The following GPC5 variants were observed in gnomAD, a reference collection of about 807,000 sequenced individuals.
The protein encoded by GPC5 is glypican-5.
GPC5 carries 47 observed loss-of-function variants against 53.9 expected under a neutral mutation model. That is an observed-to-expected ratio of 0.87 (90% confidence interval 0.69 to 1.11). GPC5 has a LOEUF of 1.11. GPC5 is among the 50% of genes most tolerant of loss of function. GPC5 has a pLI of 0.00. For missense variants in GPC5, 748 were observed against 713.1 expected (o/e 1.05, Z -0.56); for synonymous variants, 286 against 263.3 (o/e 1.09, Z -0.84).
At position 92,143,070 on chromosome 13, in the gene GPC5, A is replaced by G. The variant is rs151308252; in HGVS notation, c.1402-1760A>G. Among the ~76,000 whole-genome samples, 229 of 152,256 alleles carry G rather than the reference A, an allele frequency of 1.5e-3. 2 individuals carry two copies. The highest frequency in any genetic ancestry group is 5.3e-3 in the African/African-American group (219 of 41,552). ...ATTAAATATTTGCAAAGTGCTTTGCATATGTTTTTCTCACAATATGAGCAA... is the reference window on the plus strand; with the variant it reads ...ATTAAATATTTGCAAAGTGCTTTGCGTATGTTTTTCTCACAATATGAGCAA... On this transcript the variant is annotated intron_variant, in intron 6 of 7. Transcript: ENST00000377067.
chr13:92,588,883 C>T lies in GPC5; in HGVS notation c.1562-277399C>T, dbSNP rs567899374. Among the ~76,000 whole-genome samples the T allele has an allele frequency of 1.1e-4, 17 of 152,208 alleles. No homozygotes were observed. The South Asian group carries it at 2.5e-3, about 22-fold the overall frequency. On this transcript the variant is annotated intron_variant, in intron 7 of 7. Coordinates refer to ENST00000377067, the MANE Select transcript of GPC5 (RefSeq NM_004466.6). ...TGTAAAGCAATTTTTGCTTGGATTT[C>T]TAATTTTATGTAGAAGTCATTTTAT...
intron 7 of GPC5, among the ~76,000 whole-genome samples, chr13:92,729,724 T>G (rs1888750324): frequency 6.6e-6 from 1 of 151,400 alleles, no homozygotes; most frequent in Admixed American, 6.6e-5. Context: ...CTTGAATTGC[T>G]TAAGTCACAA....
At chr13:91,764,714 G>A (rs963530757) in intron 5 of GPC5, among the ~76,000 whole-genome samples, 2 of 152,150 alleles carry the variant, frequency 1.3e-5, no homozygotes, top group Admixed American at 6.5e-5. Context: ...TTTCAGGTTC[G>A]TGTGCCAACC....
chr13:92,693,047 G>GCT (rs907075631), intron 7 of GPC5, among the ~76,000 whole-genome samples: 4 of 152,058 alleles, frequency 2.6e-5, no homozygotes, highest in East Asian at 1.9e-4. Flanking sequence ...GCAGTTCCTA[G>GCT]CTCTCTCTCT....
At chr13:91,410,347 T>C (rs1253331344) in intron 1 of GPC5, among the ~76,000 whole-genome samples, 4 of 140,252 alleles carry the variant, frequency 2.9e-5, no homozygotes, top group Admixed American at 7.1e-5. Context: ...TTCTTTTTTT[T>C]TTTTTTTTTT....
rs548136763 is a variant in GPC5 at position 92,056,471 on chromosome 13, G to C, written c.1402-88359G>C. Among the ~76,000 whole-genome samples the C allele has an allele frequency of 4.6e-5, 7 of 152,238 alleles. No homozygotes were observed. The South Asian group carries it at 1.4e-3, about 32-fold the overall frequency. On this transcript the variant is annotated intron_variant, in intron 6 of 7. Transcript: ENST00000377067. ...TTTGAATGTGAAAATCTTTGGGGGA[G>C]GGGGAGCATGACTCTGTTTACCACA...
At chr13:91,490,932 T>C (rs1045912043) in intron 2 of GPC5, among the ~76,000 whole-genome samples, 3 of 152,166 alleles carry the variant, frequency 2.0e-5, no homozygotes, top group Admixed American at 6.5e-5. Context: ...TCTTTTTTTT[T>C]CCACATTTGT....
chr13:92,563,485 A>G (rs1262621090), intron 7 of GPC5, among the ~76,000 whole-genome samples: 1 of 148,360 alleles, frequency 6.7e-6, no homozygotes, highest in East Asian at 1.9e-4. Context: ...AAAAGGACTC[A>G]ATTAATGCAT....
At chr13:92,187,591 C>T (rs1449977572) in intron 7 of GPC5, among the ~76,000 whole-genome samples, 1 of 152,148 alleles carries the variant, frequency 6.6e-6, no homozygotes, top group South Asian at 2.1e-4. Flanking sequence ...GGTGGCACTG[C>T]ACCCCTCACT....
At chr13:91,779,812 C>G (rs1431409317) in intron 5 of GPC5, among the ~76,000 whole-genome samples, 1 of 152,116 alleles carries the variant, frequency 6.6e-6, no homozygotes, top group African/African-American at 2.4e-5. Flanking sequence ...ATGCAAGACT[C>G]TGTCATCTCC....
At chr13:92,731,267 T>C (rs953664699) in intron 7 of GPC5, among the ~76,000 whole-genome samples, 1 of 151,510 alleles carries the variant, frequency 6.6e-6, no homozygotes, top group African/African-American at 2.4e-5. Flanking sequence ...TTCAATGTGA[T>C]GTAATTAGAG....
At chr13:92,400,772 TTAAA>T (rs1400441254) in intron 7 of GPC5, among the ~76,000 whole-genome samples, 2 of 152,248 alleles carry the variant, frequency 1.3e-5, no homozygotes, top group African/African-American at 4.8e-5. Context: ...ATTTGGTTAA[TTAAA>T]TAACCTTCCA....
chr13:92,642,906 G>A (rs1885640443), intron 7 of GPC5, among the ~76,000 whole-genome samples: 1 of 152,176 alleles, frequency 6.6e-6, no homozygotes, highest in South Asian at 2.1e-4. Context: ...AAGGAGGTTG[G>A]CTAACGCACA....
At position 91,919,316 on chromosome 13, in the gene GPC5, C is replaced by T. The variant is rs558957308; in HGVS notation, c.1401+11259C>T. ...CCAGAAAATGCCCCAAGAAAGTTTT[C>T]TTTATGTGCCTTCTCCATTTCCTCT... On this transcript the variant is annotated intron_variant, in intron 6 of 7. Coordinates refer to ENST00000377067, the MANE Select transcript of GPC5 (RefSeq NM_004466.6). Among the ~76,000 whole-genome samples, 68 of 152,302 alleles carry T rather than the reference C, an allele frequency of 4.5e-4. 1 individual carries two copies. In the South Asian group the frequency reaches 0.014, roughly 31 times the overall value.
At chr13:91,582,742 G>A (rs1265588203) in intron 2 of GPC5, among the ~76,000 whole-genome samples, 1 of 152,184 alleles carries the variant, frequency 6.6e-6, no homozygotes, top group Non-Finnish European at 1.5e-5. Flanking sequence ...GCCAGGCACG[G>A]TGGTTCACGC....
chr13:92,336,489 T>C (rs1330587488), intron 7 of GPC5, among the ~76,000 whole-genome samples: 1 of 152,198 alleles, frequency 6.6e-6, no homozygotes, highest in African/African-American at 2.4e-5. Flanking sequence ...TTACATTTTG[T>C]AGCAAACTAA....
intron 4 of GPC5, among the ~76,000 whole-genome samples, chr13:91,749,440 G>A (rs2037122228): frequency 6.6e-6 from 1 of 152,168 alleles, no homozygotes; most frequent in African/African-American, 2.4e-5. Flanking sequence ...TGGACAATTA[G>A]GTTGATTCCA....
intron 2 of GPC5, among the ~76,000 whole-genome samples, chr13:91,594,817 T>C (rs76531844): frequency 0.04 from 6,109 of 151,942 alleles, 239 homozygotes; most frequent in South Asian, 0.24. Flanking sequence ...AAGCTGGGAC[T>C]AGAGGGCATA....
At chr13:92,253,772 T>A (rs1397945446) in intron 7 of GPC5, among the ~76,000 whole-genome samples, 1 of 151,972 alleles carries the variant, frequency 6.6e-6, no homozygotes, top group African/African-American at 2.4e-5. Flanking sequence ...TTAACAGAGC[T>A]GTAGAAATAA....
Sources: allele counts gnomAD v4.1 joint callset (sites outside exome capture counted in the v4.1 genomes callset), GRCh38; gene constraint gnomAD v4.1.1; transcripts MANE v1.5; gene names NCBI Gene and HGNC (gene_info 2026-07-23, HGNC 2026-07-21).